Variants in ENOX1 observed in about 807,000 individuals in gnomAD.
ENOX1 encodes ecto-NOX disulfide-thiol exchanger 1.
ENOX1 carries 42 observed loss-of-function variants against 82.5 expected under a neutral mutation model. The observed-to-expected ratio is 0.51, with a 90% confidence interval of 0.40 to 0.66. The LOEUF is 0.66. ENOX1 is among the 30% of genes least tolerant of loss of function. The pLI, the probability that ENOX1 is intolerant of heterozygous loss-of-function variation, is 0.00. For synonymous variants in ENOX1, 271 were observed against 282.2 expected, an observed-to-expected ratio of 0.96 and a Z score of 0.40; for missense variants, 608 against 811.6, an observed-to-expected ratio of 0.75 and a Z score of 3.05.
chr13:43,536,800 C>T (rs943975195), intron 2 of ENOX1, among the ~76,000 whole-genome samples: 3 of 152,200 alleles, frequency 2.0e-5, no homozygotes, highest in African/African-American at 7.2e-5. Flanking sequence ...TATGCTGGGG[C>T]AGTCCTAGTG....
In ENOX1 at chr13:43,293,304, A is replaced by C. The variant is rs77943957; in HGVS notation, c.1446+5042T>G. 7.3e-3 allele frequency among the ~76,000 whole-genome samples: 1,116 copies of C among 152,094 alleles called. 35 individuals are homozygous for C. In the East Asian group the frequency reaches 0.074, roughly 10 times the overall value. On this transcript the variant is annotated intron_variant, in intron 12 of 16. Transcript: ENST00000690772. The stretch of plus-strand genomic sequence containing the variant: ...CCACCATAGCTAATAAGGCCACCAC[A>C]GCCAGCACCCCCACCACGGCCATCT...
At position 43,412,929 on chromosome 13, in the gene ENOX1, C is replaced by T. The variant is rs551418561; in HGVS notation, c.-15G>A. On this transcript the variant is annotated 5_prime_UTR_variant, in exon 4 of 17. The change creates a premature stop within an existing upstream ORF in the 5' untranslated region. Transcript: ENST00000690772. ...GCATCTACCATTGAATTATGAGTGT[C>T]CAGAGGGGCAGGAACACTTTGATGG... The T allele has an allele frequency of 1.2e-6, 2 of 1,613,750 alleles. No homozygotes were observed. The highest frequency in any genetic ancestry group is 2.2e-5 in the East Asian group (1 of 44,860).
intron 2 of ENOX1, among the ~76,000 whole-genome samples, chr13:43,560,302 A>G (rs986940405): frequency 5.3e-5 from 8 of 152,156 alleles, no homozygotes; most frequent in African/African-American, 1.9e-4. Context: ...AAAATACGCA[A>G]TATGTCTTCT....
intron 16 of ENOX1, among the ~76,000 whole-genome samples, chr13:43,220,613 T>G (rs1419714138): frequency 6.6e-6 from 1 of 152,206 alleles, no homozygotes; most frequent in East Asian, 1.9e-4. Context: ...CCAGCATTCA[T>G]TAGGTCCCTG....
intron 7 of ENOX1, among the ~76,000 whole-genome samples, chr13:43,358,482 T>C (rs1314409027): frequency 6.6e-6 from 1 of 151,980 alleles, no homozygotes; most frequent in African/African-American, 2.4e-5. Context: ...ATCCTCCAAG[T>C]GTACTGAGGG....
intron 1 of ENOX1, among the ~76,000 whole-genome samples, chr13:43,705,781 T>C (rs2087238997): frequency 6.6e-6 from 1 of 152,134 alleles, no homozygotes; most frequent in African/African-American, 2.4e-5. Context: ...ATAGTATGAA[T>C]GCAGAAGATT....
intron 5 of ENOX1, among the ~76,000 whole-genome samples, chr13:43,398,704 C>A (rs1358777637): frequency 6.6e-6 from 1 of 151,976 alleles, no homozygotes; most frequent in African/African-American, 2.4e-5. Flanking sequence ...CTCCTCCTCC[C>A]AGCCTACCCA....
At chr13:43,235,095 A>T (rs976793297) in intron 15 of ENOX1, among the ~76,000 whole-genome samples, 4 of 152,210 alleles carry the variant, frequency 2.6e-5, no homozygotes, top group Non-Finnish European at 5.9e-5. Flanking sequence ...GTGACAGAGA[A>T]ACAGTTGTCA....
At chr13:43,432,864 C>T (rs1183955137) in intron 3 of ENOX1, among the ~76,000 whole-genome samples, 2 of 151,858 alleles carry the variant, frequency 1.3e-5, no homozygotes, top group African/African-American at 2.4e-5. Context: ...AAAGGAGCAG[C>T]GCTGCCTTAT....
At chr13:43,468,648 AAC>A (rs2057852514) in intron 3 of ENOX1, among the ~76,000 whole-genome samples, 1 of 151,806 alleles carries the variant, frequency 6.6e-6, no homozygotes, top group Non-Finnish European at 1.5e-5. Flanking sequence ...AAAAAAAAAA[AAC>A]AAAGCCAGAT....
intron 1 of ENOX1, among the ~76,000 whole-genome samples, chr13:43,684,605 A>G (rs931599764): frequency 6.6e-6 from 1 of 152,112 alleles, no homozygotes; most frequent in African/African-American, 2.4e-5. Flanking sequence ...GAGAATAATA[A>G]TATATTTGTT....
intron 2 of ENOX1, among the ~76,000 whole-genome samples, chr13:43,622,109 T>C (rs2082759858): frequency 6.6e-6 from 1 of 152,222 alleles, no homozygotes. Flanking sequence ...TGTTTTCCTT[T>C]AAGCTATCTA....
intron 9 of ENOX1, among the ~76,000 whole-genome samples, chr13:43,341,944 C>T (rs997747017): frequency 1.4e-4 from 21 of 152,176 alleles, no homozygotes; most frequent in African/African-American, 4.6e-4. Flanking sequence ...GCTATAATGA[C>T]GCAACTCCTT....
In ENOX1 at chr13:43,427,937, C is replaced by T. The variant is rs142351140; in HGVS notation, c.-74-14949G>A. Among the ~76,000 whole-genome samples the T allele has an allele frequency of 2.4e-3, 371 of 152,286 alleles. 4 individuals are homozygous for T. Among genetic ancestry groups the T allele is most frequent in the South Asian group, 7.0e-3 (34 of 4,828 alleles). ...GAAAACAAAAAAAGTTGGCTGAAAC[C>T]AGAAGGATGAGCCAGGAGTAGTAAG... On this transcript the variant is annotated intron_variant, in intron 3 of 16. Transcript: ENST00000690772.
intron 3 of ENOX1, among the ~76,000 whole-genome samples, chr13:43,416,287 G>A (rs2054538993): frequency 1.4e-5 from 2 of 146,824 alleles, no homozygotes; most frequent in South Asian, 2.2e-4. Context: ...GGGCGGCCGG[G>A]CAGAGATGCT....
chr13:43,654,200 A>G (rs2084323995), intron 2 of ENOX1, among the ~76,000 whole-genome samples: 1 of 152,182 alleles, frequency 6.6e-6, no homozygotes, highest in Non-Finnish European at 1.5e-5. Context: ...AGGCCTTAAG[A>G]GCAAAAACTG....
intron 2 of ENOX1, among the ~76,000 whole-genome samples, chr13:43,489,415 CTG>C (rs1357211837): frequency 6.6e-6 from 1 of 152,204 alleles, no homozygotes; most frequent in Non-Finnish European, 1.5e-5. Context: ...AGTGCAAGAG[CTG>C]TGAGACACAG....
intron 1 of ENOX1, among the ~76,000 whole-genome samples, chr13:43,772,302 A>T (rs1951679208): frequency 6.6e-6 from 1 of 152,212 alleles, no homozygotes. Context: ...CCAAGTATCA[A>T]ATTGTCTATA....
At chr13:43,678,372 TTATTATG>T (rs1435447950) in intron 1 of ENOX1, among the ~76,000 whole-genome samples, 2 of 152,212 alleles carry the variant, frequency 1.3e-5, no homozygotes, top group African/African-American at 4.8e-5. Flanking sequence ...TGTCACGTCT[TTATTATG>T]TAACATAGTA....
Sources: gnomAD v4.1 joint callset for allele counts (sites outside exome capture counted in the v4.1 genomes callset) on GRCh38, gnomAD v4.1.1 for gene constraint, MANE v1.5 for transcripts, NCBI Gene and HGNC (gene_info 2026-07-23, HGNC 2026-07-21) for gene names.